The following DNM1L variants were observed in gnomAD, a reference collection of about 807,000 sequenced individuals.
The protein encoded by DNM1L is dynamin 1L, also known as dynamin-1-like protein.
Under a neutral mutation model 92.8 loss-of-function variants are expected in DNM1L, and 33 were observed. That is an observed-to-expected ratio of 0.36 (90% confidence interval 0.27 to 0.48). The LOEUF (loss-of-function observed/expected upper bound fraction) is 0.48, where lower values mean the gene tolerates loss of function less well. Among genes scored for constraint, DNM1L ranks in the 20% least tolerant of loss-of-function variants. The pLI is 0.99. For synonymous variants in DNM1L, 284 were observed against 305.0 expected, an observed-to-expected ratio of 0.93 and a Z score of 0.72; for missense variants, 485 against 888.8, an observed-to-expected ratio of 0.55 and a Z score of 5.78.
intron 13 of DNM1L, among the ~76,000 whole-genome samples, chr12:32,736,487 A>G (rs1043961723): frequency 1.3e-4 from 20 of 152,214 alleles, no homozygotes; most frequent in Middle Eastern, 3.2e-3. Context: ...AATATTAGCA[A>G]ATTAGAACAG....
chr12:32,713,976 A>G (rs1953247999), intron 6 of DNM1L, among the ~76,000 whole-genome samples: 1 of 152,198 alleles, frequency 6.6e-6, no homozygotes, highest in South Asian at 2.1e-4. Context: ...TTTAGCCCCA[A>G]GGATTAGTTC....
At chr12:32,722,689 C>T in intron 9 of DNM1L, 56 bp downstream of exon 9, 2 of 1,379,654 alleles carry the variant, frequency 1.4e-6, no homozygotes, top group Non-Finnish European at 2.0e-6. Context: ...GTCACTTTTC[C>T]TTTTGTGAAG....
chr12:32,739,371 C>CA (rs1955123652), intron 16 of DNM1L, among the ~76,000 whole-genome samples: 1 of 152,064 alleles, frequency 6.6e-6, no homozygotes, highest in Non-Finnish European at 1.5e-5. Flanking sequence ...TTCTAGAAAA[C>CA]AAGGTACAAA....
intron 9 of DNM1L, chr12:32,727,398 G>A: frequency 1.3e-6 from 1 of 766,858 alleles, no homozygotes. Context: ...AAATATCAGT[G>A]GCTACTATGA....
rs754614254 is a variant in DNM1L, at chr12:32,679,357, C to T, written c.-7C>T. 6 of 1,610,704 alleles carry T rather than the reference C, an allele frequency of 3.7e-6. No homozygotes were observed. The highest frequency in any genetic ancestry group is 5.1e-6 in the Non-Finnish European group (6 of 1,177,592). Reference sequence around the variant, plus strand: ...GGCGGGCACTGGGGCCCCGTGTTTTCAGAGTCATGGAGGCGCTAATTCCTG... The same window carrying T: ...GGCGGGCACTGGGGCCCCGTGTTTTTAGAGTCATGGAGGCGCTAATTCCTG... On this transcript the variant is annotated 5_prime_UTR_variant, in exon 1 of 20. Transcript: ENST00000549701.
chr12:32,742,465 A>G (rs917221409), intron 18 of DNM1L, 124 bp from the exon 19 acceptor site: 12 of 1,214,706 alleles, frequency 9.9e-6, no homozygotes, highest in Middle Eastern at 2.7e-4. Flanking sequence ...CGATTATGCC[A>G]TTAATGAAAT....
chr12:32,711,854 A>G (rs779619265), intron 5 of DNM1L, among the ~76,000 whole-genome samples: 20 of 152,092 alleles, frequency 1.3e-4, no homozygotes, highest in Admixed American at 3.3e-4. Flanking sequence ...CTGCACTCCA[A>G]CCTGGCCAAC....
intron 1 of DNM1L, among the ~76,000 whole-genome samples, chr12:32,695,663 C>T (rs1952415589): frequency 6.6e-6 from 1 of 151,834 alleles, no homozygotes; most frequent in African/African-American, 2.4e-5. Context: ...CCCAGCTACT[C>T]GGGAGGGTGA....
At chr12:32,689,930 A>G (rs1309719625) in intron 1 of DNM1L, among the ~76,000 whole-genome samples, 3 of 152,254 alleles carry the variant, frequency 2.0e-5, no homozygotes, top group East Asian at 1.9e-4. Flanking sequence ...CAGGCACACA[A>G]ATCTTTAGCT....
At chr12:32,687,024 G>A (rs1367081305) in intron 1 of DNM1L, among the ~76,000 whole-genome samples, 3 of 142,236 alleles carry the variant, frequency 2.1e-5, no homozygotes, top group Non-Finnish European at 4.5e-5. Flanking sequence ...CAGGTGATCC[G>A]CCTGCCTTGG....
At chr12:32,701,300 G>C in intron 1 of DNM1L, 115 bp from the exon 2 acceptor site, 1 of 888,688 alleles carries the variant, frequency 1.1e-6, no homozygotes, top group Non-Finnish European at 1.7e-6. Context: ...AATAGTCTCT[G>C]CACTAATTTT....
intron 16 of DNM1L, chr12:32,739,712 T>G: frequency 4.2e-6 from 1 of 240,682 alleles, no homozygotes. Flanking sequence ...TTTTAACGAG[T>G]AGTTTTGTTT....
chr12:32,713,283 T>G lies in DNM1L; in HGVS notation c.531T>G (p.Pro177=), dbSNP rs1953211968. Residue 177 remains proline (P), a synonymous_variant, in exon 6 of 20, where the codon CCT becomes CCG. Transcript: ENST00000549701. ...TCATTCTTCGGTTCATCAGTAATCC[T>G]AATTCCATTATCCTCGCTGTCACTG... is the stretch of plus-strand genomic sequence containing the variant. ...RELILRFISN[P]NSIILAVTAA... is the part of the protein sequence containing the mutation. 6.2e-7 allele frequency: 1 copy of G among 1,613,996 alleles called. No homozygotes were observed. The highest frequency in any genetic ancestry group is 8.5e-7 in the Non-Finnish European group (1 of 1,179,948).
At chr12:32,680,917 A>T (rs182476204) in intron 1 of DNM1L, among the ~76,000 whole-genome samples, 136 of 152,356 alleles carry the variant, frequency 8.9e-4, no homozygotes, top group African/African-American at 3.1e-3. Context: ...CACACTAGAA[A>T]CTTTCCACAT....
At chr12:32,717,742 C>A (rs1221881195) in intron 6 of DNM1L, among the ~76,000 whole-genome samples, 2 of 107,210 alleles carry the variant, frequency 1.9e-5, no homozygotes, top group Non-Finnish European at 3.5e-5. Context: ...AATACATATA[C>A]CTAGGTAGAT....
At chr12:32,736,809 G>A (rs1052642491) in intron 13 of DNM1L, 1 of 382,536 alleles carries the variant, frequency 2.6e-6, no homozygotes, top group East Asian at 5.2e-5. Flanking sequence ...TAGTGGGAAA[G>A]GGGGAGAAGA....
chr12:32,688,677 G>A (rs981286114), intron 1 of DNM1L, among the ~76,000 whole-genome samples: 1 of 152,102 alleles, frequency 6.6e-6, no homozygotes, highest in African/African-American at 2.4e-5. Context: ...TGAGTTCATC[G>A]AGCTTCTTGG....
At chr12:32,701,089 A>T (rs1952679311) in intron 1 of DNM1L, among the ~76,000 whole-genome samples, 1 of 152,188 alleles carries the variant, frequency 6.6e-6, no homozygotes, top group Admixed American at 6.5e-5. Flanking sequence ...AGCCTAATCA[A>T]CATGGAGAAA....
At position 32,731,103 on chromosome 12, in the gene DNM1L, T is replaced by C. The variant is rs2137521369; in HGVS notation, c.1169T>C (p.Ile390Thr). ...SVDPLGGLNT[I>T]DILTAIRNAT... ...GATCCACTTGGTGGCCTTAACACTA[T>C]TGACATTTTGACTGCCATTAGAAAT... The change falls in exon 10 of 20, where the codon ATT (isoleucine) becomes ACT (threonine). Residue 390 changes from isoleucine (I) to threonine (T), a missense_variant. Transcript: ENST00000549701. This position sits in a 1 kb window ranked among gnomAD's most constrained non-coding sequence, Gnocchi z 5.1. 4 of 1,614,108 alleles carry C rather than the reference T, an allele frequency of 2.5e-6. No homozygotes were observed. Among genetic ancestry groups the C allele is most frequent in the South Asian group, 2.2e-5 (2 of 91,078 alleles).
Sources: gnomAD v4.1 joint callset for allele counts (sites outside exome capture counted in the v4.1 genomes callset) on GRCh38, gnomAD v4.1.1 for gene constraint, Gnocchi (gnomAD v3.1) non-coding constraint, MANE v1.5 for transcripts, NCBI Gene and HGNC (gene_info 2026-07-23, HGNC 2026-07-21) for gene names.